The following CNTNAP4 variants were observed in gnomAD, a reference collection of about 807,000 sequenced individuals.
CNTNAP4 encodes contactin-associated protein-like 4.
In CNTNAP4, 98 loss-of-function variants were observed where a neutral mutation model predicts 148.4. That is an observed-to-expected ratio of 0.66 (90% CI 0.56 to 0.78). The LOEUF is 0.78. Ranked by LOEUF, CNTNAP4 falls within the 30% of genes least tolerant of loss-of-function variation. The pLI, the probability that CNTNAP4 is intolerant of heterozygous loss-of-function variation, is 0.00. For synonymous variants in CNTNAP4, 730 were observed against 565.1 expected (o/e 1.29, Z -4.14); for missense variants, 1,935 against 1,565.6 (o/e 1.24, Z -3.98).
intron 3 of CNTNAP4, among the ~76,000 whole-genome samples, chr16:76,357,763 C>T (rs57110759): frequency 0.02 from 3,042 of 152,318 alleles, 79 homozygotes; most frequent in African/African-American, 0.07. Context: ...TTGCCTCCAT[C>T]AGCTCTTCTT....
chr16:76,439,027 TTGTAAA>T (rs2079939965), intron 4 of CNTNAP4, among the ~76,000 whole-genome samples: 1 of 152,162 alleles, frequency 6.6e-6, no homozygotes, highest in Non-Finnish European at 1.5e-5. Context: ...ATTTACCAAC[TTGTAAA>T]TGTACATATT....
At chr16:76,524,793 T>C (rs2083642057) in intron 17 of CNTNAP4, among the ~76,000 whole-genome samples, 1 of 152,166 alleles carries the variant, frequency 6.6e-6, no homozygotes, top group South Asian at 2.1e-4. Context: ...CTGTTGATTA[T>C]ATTTAAGTCA....
intron 3 of CNTNAP4, among the ~76,000 whole-genome samples, chr16:76,370,414 G>A (rs1014398263): frequency 1.3e-5 from 2 of 152,148 alleles, no homozygotes; most frequent in African/African-American, 4.8e-5. Flanking sequence ...TGGAAGCAGT[G>A]GGTATCTTTT....
chr16:76,536,769 T>C (rs770682802), intron 18 of CNTNAP4, among the ~76,000 whole-genome samples: 5 of 152,236 alleles, frequency 3.3e-5, no homozygotes, highest in Non-Finnish European at 7.3e-5. Flanking sequence ...AGAACAGTTG[T>C]AGGATTAAGT....
At chr16:76,326,130 C>G (rs1236199508) in intron 2 of CNTNAP4, among the ~76,000 whole-genome samples, 1 of 152,098 alleles carries the variant, frequency 6.6e-6, no homozygotes, top group Non-Finnish European at 1.5e-5. Context: ...TTCAAGGAGG[C>G]CAGCATAACC....
rs12599237 is a variant in CNTNAP4, at chr16:76,342,910, C to G, written c.197-12408C>G. ...GTAATAGATTCTCCATTTTGCTTAT[C>G]AAAAGTATTTGCTTTTCACAATTAC... On this transcript the variant is annotated intron_variant, in intron 2 of 23. Transcript: ENST00000611870. Among the ~76,000 whole-genome samples, 1,936 of 152,210 alleles carry G rather than the reference C, an allele frequency of 0.013. 135 individuals carry two copies. The East Asian group carries it at 0.18, about 14-fold the overall frequency.
chr16:76,375,061 G>A (rs1347313388), intron 3 of CNTNAP4, among the ~76,000 whole-genome samples: 2 of 151,896 alleles, frequency 1.3e-5, no homozygotes, highest in Middle Eastern at 3.2e-3. Flanking sequence ...CAGCCATCAC[G>A]CCCGGCCAGC....
At chr16:76,293,835 TA>T (rs201927804) in intron 1 of CNTNAP4, among the ~76,000 whole-genome samples, 13,161 of 145,974 alleles carry the variant, frequency 0.09, 948 homozygotes, top group East Asian at 0.3. Context: ...TTTTTTTTTT[TA>T]AAAAAAAGGA....
intron 3 of CNTNAP4, among the ~76,000 whole-genome samples, chr16:76,384,447 G>A (rs1199190926): frequency 6.6e-6 from 1 of 152,188 alleles, no homozygotes; most frequent in Non-Finnish European, 1.5e-5. Context: ...AGAATGCGAA[G>A]TTGGTTGCCT....
intron 1 of CNTNAP4, among the ~76,000 whole-genome samples, chr16:76,302,275 A>C (rs570119893): frequency 6.6e-6 from 1 of 152,282 alleles, no homozygotes; most frequent in East Asian, 1.9e-4. Flanking sequence ...ACTTCACAAT[A>C]GTTTTGAAAA....
intron 12 of CNTNAP4, among the ~76,000 whole-genome samples, chr16:76,486,589 G>T (rs1468479912): frequency 6.6e-6 from 1 of 152,150 alleles, no homozygotes; most frequent in East Asian, 1.9e-4. Context: ...CTACGTTAAA[G>T]GATGATTAAA....
intron 3 of CNTNAP4, among the ~76,000 whole-genome samples, chr16:76,420,885 C>T (rs1201220386): frequency 1.3e-5 from 2 of 151,960 alleles, no homozygotes; most frequent in Admixed American, 6.6e-5. Flanking sequence ...AATTTCCAGT[C>T]TAGCAGTACC....
chr16:76,481,625 A>G (rs2081832487), intron 12 of CNTNAP4, among the ~76,000 whole-genome samples: 1 of 152,182 alleles, frequency 6.6e-6, no homozygotes, highest in South Asian at 2.1e-4. Context: ...GAACCTTGTC[A>G]TTTGCTGAAA....
chr16:76,403,115 C>T (rs1236290615), intron 3 of CNTNAP4, among the ~76,000 whole-genome samples: 4 of 146,028 alleles, frequency 2.7e-5, no homozygotes, highest in Non-Finnish European at 4.5e-5. Flanking sequence ...TTTTTTGAGA[C>T]GAAGTCTCGC....
chr16:76,507,986 G>A (rs2082890015), intron 15 of CNTNAP4, among the ~76,000 whole-genome samples: 1 of 97,350 alleles, frequency 1.0e-5, no homozygotes, highest in African/African-American at 2.6e-5. Flanking sequence ...AGATGACCTA[G>A]TCATTCTGCG....
chr16:76,382,980 C>G (rs1285731504), intron 3 of CNTNAP4, among the ~76,000 whole-genome samples: 2 of 152,130 alleles, frequency 1.3e-5, no homozygotes, highest in Admixed American at 6.5e-5. Flanking sequence ...TGGACTGAAA[C>G]ATCAAGTTAA....
At chr16:76,465,154 C>A (rs183483504) in intron 9 of CNTNAP4, among the ~76,000 whole-genome samples, 1 of 152,170 alleles carries the variant, frequency 6.6e-6, no homozygotes, top group Non-Finnish European at 1.5e-5. Flanking sequence ...CTGTTATCCT[C>A]GGAGGTGCTT....
At chr16:76,314,163 A>C (rs80018491) in intron 1 of CNTNAP4, among the ~76,000 whole-genome samples, 5,205 of 152,330 alleles carry the variant, frequency 0.034, 309 homozygotes, top group African/African-American at 0.12. Context: ...ACATTGATAC[A>C]TATGTAAATG....
Position 76,522,694 on chromosome 16 carries a change from T to TTCTTTTCTTC in CNTNAP4, c.2755+446_2755+447insCTCTTTTCTT. On this transcript the variant is annotated intron_variant, in intron 17 of 23. Transcript: ENST00000611870. ...TCTTTCTCTCTTTCTCTCCTTTCTT[T>TTCTTTTCTTC]TCTTTTCTTTTCTTTTCTTTTCTTT... is the stretch of plus-strand genomic sequence containing the variant. 1.2e-4 allele frequency among the ~76,000 whole-genome samples: 2 copies of TTCTTTTCTTC among 17,320 alleles called. 1 individual carries two copies. The highest frequency in any genetic ancestry group is 1.9e-4 in the Non-Finnish European group (2 of 10,358). 11.4% of individuals were successfully genotyped at this position (17,320 alleles called of 152,430 possible). A position where few individuals can be genotyped will look rare whatever the true frequency, so the allele number is the denominator to read the frequency against.
Sources: allele counts gnomAD v4.1 joint callset (sites outside exome capture counted in the v4.1 genomes callset), GRCh38; gene constraint gnomAD v4.1.1; transcripts MANE v1.5; gene names NCBI Gene and HGNC (gene_info 2026-07-23, HGNC 2026-07-21).